The following PRKCQ variants were observed in gnomAD, a reference collection of about 807,000 sequenced individuals.
PRKCQ encodes protein kinase C theta type.
PRKCQ carries 41 observed loss-of-function variants against 91.2 expected under a neutral mutation model. That is an observed-to-expected ratio of 0.45 (90% CI 0.35 to 0.58). The LOEUF (loss-of-function observed/expected upper bound fraction) is 0.58, where lower values mean the gene tolerates loss of function less well. Ranked by LOEUF, PRKCQ falls within the 20% of genes least tolerant of loss-of-function variation. PRKCQ has a pLI of 0.00. For missense variants in PRKCQ, 673 were observed against 896.5 expected (o/e 0.75, Z 3.18); for synonymous variants, 307 against 316.9 (o/e 0.97, Z 0.33).
the PRKCQ span, among the ~76,000 whole-genome samples, chr10:6,418,810 C>A: frequency 6.6e-6 from 1 of 152,186 alleles, no homozygotes; most frequent in East Asian, 1.9e-4. Context: ...ACCTACCTAC[C>A]TATCAATCTA....
At chr10:6,494,988 C>T (rs544636036) in intron 7 of PRKCQ, among the ~76,000 whole-genome samples, 6 of 152,306 alleles carry the variant, frequency 3.9e-5, no homozygotes, top group South Asian at 2.1e-4. Context: ...TGCTCGGCCT[C>T]GGGCAGAAGC....
chr10:6,549,492 A>T (rs1448995725), intron 1 of PRKCQ, among the ~76,000 whole-genome samples: 1 of 152,208 alleles, frequency 6.6e-6, no homozygotes, highest in African/African-American at 2.4e-5. Context: ...CCCCCATCAT[A>T]CAAAGGTTTG....
At chr10:6,539,289 C>A (rs1450642207) in intron 1 of PRKCQ, among the ~76,000 whole-genome samples, 3 of 152,124 alleles carry the variant, frequency 2.0e-5, no homozygotes, top group Non-Finnish European at 4.4e-5. Flanking sequence ...CAGGGGTCCT[C>A]CAGCCCCCAG....
At chr10:6,559,027 G>T (rs1269155703) in intron 1 of PRKCQ, among the ~76,000 whole-genome samples, 3 of 152,184 alleles carry the variant, frequency 2.0e-5, no homozygotes, top group African/African-American at 7.2e-5. Flanking sequence ...GCATGAGTGG[G>T]AATTAATCAG....
At chr10:6,448,796 C>T (rs4750470) in intron 15 of PRKCQ, among the ~76,000 whole-genome samples, 14,335 of 152,010 alleles carry the variant, frequency 0.094, 951 homozygotes, top group Admixed American at 0.15. Flanking sequence ...GTTCTGCAGA[C>T]ACCGCTGCTG....
the PRKCQ span, among the ~76,000 whole-genome samples, chr10:6,404,255 G>GGAGA: frequency 0.011 from 391 of 34,318 alleles, 29 homozygotes; most frequent in African/African-American, 0.028. Flanking sequence ...GAAGGGGGGG[G>GGAGA]GAGAGAGAGA....
At chr10:6,552,659 G>T (rs369839839) in intron 1 of PRKCQ, among the ~76,000 whole-genome samples, 1 of 151,988 alleles carries the variant, frequency 6.6e-6, no homozygotes, top group East Asian at 1.9e-4. Flanking sequence ...TAGACACAGG[G>T]TCTCACTAGG....
the PRKCQ span, among the ~76,000 whole-genome samples, chr10:6,411,286 A>G: frequency 6.6e-6 from 1 of 152,234 alleles, no homozygotes; most frequent in Non-Finnish European, 1.5e-5. Context: ...ATGTATTTAA[A>G]GCACTTAGAA....
intron 1 of PRKCQ, among the ~76,000 whole-genome samples, 174 bp downstream of exon 1, chr10:6,580,037 T>C (rs1711927055): frequency 6.6e-6 from 1 of 152,134 alleles, no homozygotes; most frequent in African/African-American, 2.4e-5. Flanking sequence ...GGGGAAATTC[T>C]TCCCGGTGCG....
chr10:6,513,265 G>A (rs1838577689), intron 2 of PRKCQ, among the ~76,000 whole-genome samples: 1 of 152,084 alleles, frequency 6.6e-6, no homozygotes, highest in Non-Finnish European at 1.5e-5. Flanking sequence ...AGTAAATATT[G>A]AATGATAATA....
rs149975812 is a variant in PRKCQ, at chr10:6,527,608, G to T, written c.-9-12464C>A. Among the ~76,000 whole-genome samples, 57 of 152,254 alleles carry T rather than the reference G, an allele frequency of 3.7e-4. No individual in the cohort carries two copies. The East Asian group carries it at 6.0e-3, about 16-fold the overall frequency. Reference sequence around the variant, plus strand: ...CCCCCCAAACCAGTTATGCCAAGGGGAGAGGTAAGCCTGGAAGCCAAGTCC... The same window carrying T: ...CCCCCCAAACCAGTTATGCCAAGGGTAGAGGTAAGCCTGGAAGCCAAGTCC... On this transcript the variant is annotated intron_variant, in intron 1 of 17. Coordinates refer to ENST00000263125, the MANE Select transcript of PRKCQ (RefSeq NM_006257.5).
chr10:6,528,835 T>A (rs184632661), intron 1 of PRKCQ, among the ~76,000 whole-genome samples: 1 of 152,386 alleles, frequency 6.6e-6, no homozygotes, highest in Admixed American at 6.5e-5. Context: ...CACCTGTCCC[T>A]ACTTGCAAAG....
At chr10:6,507,548 G>T in intron 3 of PRKCQ, 52 bp from the exon 4 acceptor site, 1 of 1,478,344 alleles carries the variant, frequency 6.8e-7, no homozygotes, top group Non-Finnish European at 9.5e-7. Flanking sequence ...CAAGCCCTGA[G>T]TTCAATGACA....
At chr10:6,504,133 A>G (rs1367684585) in intron 4 of PRKCQ, among the ~76,000 whole-genome samples, 1 of 152,254 alleles carries the variant, frequency 6.6e-6, no homozygotes, top group Non-Finnish European at 1.5e-5. Flanking sequence ...GGCATTCTGT[A>G]GATATTTCAT....
At chr10:6,481,343 C>A (rs1836587423) in intron 11 of PRKCQ, among the ~76,000 whole-genome samples, 1 of 152,210 alleles carries the variant, frequency 6.6e-6, no homozygotes, top group Non-Finnish European at 1.5e-5. Flanking sequence ...CAGTAAAACA[C>A]CCTAAAACCA....
intron 15 of PRKCQ, among the ~76,000 whole-genome samples, chr10:6,443,655 T>C (rs951226952): frequency 1.3e-5 from 2 of 151,736 alleles, no homozygotes; most frequent in South Asian, 2.1e-4. Context: ...GGGCAGAGGG[T>C]AGGGAGGAGG....
intron 15 of PRKCQ, among the ~76,000 whole-genome samples, chr10:6,449,424 G>C (rs1834523148): frequency 6.6e-6 from 1 of 152,138 alleles, no homozygotes; most frequent in Non-Finnish European, 1.5e-5. Flanking sequence ...CAAGAAATAT[G>C]GGACTATGTG....
At chr10:6,498,302 A>C (rs1588335033) in intron 5 of PRKCQ, 94 bp downstream of exon 5, 2 of 1,463,864 alleles carry the variant, frequency 1.4e-6, no homozygotes, top group Non-Finnish European at 1.9e-6. Context: ...ACTCCAGCAC[A>C]CCCCCCACAG....
chr10:6,462,818 A>C (rs1419394018), intron 13 of PRKCQ, among the ~76,000 whole-genome samples: 1 of 152,158 alleles, frequency 6.6e-6, no homozygotes, highest in Non-Finnish European at 1.5e-5. Flanking sequence ...CAGCATGGGC[A>C]ACATGGTGAA....
Sources: allele counts gnomAD v4.1 joint callset (sites outside exome capture counted in the v4.1 genomes callset), GRCh38; gene constraint gnomAD v4.1.1; transcripts MANE v1.5; gene names NCBI Gene and HGNC (gene_info 2026-07-23, HGNC 2026-07-21).